SLIT3: variants seen among roughly 807,000 people sequenced by gnomAD.
SLIT3 encodes slit guidance ligand 3.
In SLIT3, 68 loss-of-function variants were observed where a neutral mutation model predicts 184.0. The observed-to-expected ratio is 0.37, with a 90% CI of 0.30 to 0.45. The LOEUF (loss-of-function observed/expected upper bound fraction) is 0.45. SLIT3 is among the 20% of genes least tolerant of loss of function. The probability of loss-of-function intolerance (pLI) is 1.00; values close to 1 mark genes in which losing one functional copy is unlikely to be tolerated. For missense variants in SLIT3, 1,707 were observed against 2,026.0 expected, an observed-to-expected ratio of 0.84 and a Z score of 3.02; for synonymous variants, 831 against 828.6, an observed-to-expected ratio of 1.00 and a Z score of -0.05.
intron 4 of SLIT3, among the ~76,000 whole-genome samples, chr5:168,935,150 C>CAA (rs1164978467): frequency 9.7e-5 from 12 of 124,048 alleles, no homozygotes; most frequent in African/African-American, 2.7e-4. Flanking sequence ...AAAAAAAAAA[C>CAA]AAAAAAAAAA....
chr5:168,793,588 T>G (rs911810265), intron 10 of SLIT3, among the ~76,000 whole-genome samples: 1 of 152,240 alleles, frequency 6.6e-6, no homozygotes, highest in South Asian at 2.1e-4. Context: ...GAAGGTCTTA[T>G]GAATTTTGAA....
intron 4 of SLIT3, among the ~76,000 whole-genome samples, chr5:169,088,039 G>A (rs143463048): frequency 0.02 from 3,072 of 152,274 alleles, 53 homozygotes; most frequent in Non-Finnish European, 0.032. Context: ...AAATAGGCAG[G>A]AGGGCAGAGG....
rs146653087 is a variant in SLIT3 at position 168,954,075 on chromosome 5, TC to T, written c.414-70740del. ...AAGTGTCACTCCAGAGCCCAACAGTTCATGGAAAATGGTCTTATTCTAGATG... is the reference window on the plus strand; with the variant it reads ...AAGTGTCACTCCAGAGCCCAACAGTTATGGAAAATGGTCTTATTCTAGATG... On this transcript the variant is annotated intron_variant, in intron 4 of 35. Coordinates refer to ENST00000519560, the MANE Select transcript of SLIT3 (RefSeq NM_003062.4). Among the ~76,000 whole-genome samples, 1,192 of 152,212 alleles carry T rather than the reference TC, an allele frequency of 7.8e-3. 8 individuals carry two copies. The highest frequency in any genetic ancestry group is 0.025 in the African/African-American group (1,048 of 41,530).
At chr5:168,757,792 C>T (rs1755004077) in intron 16 of SLIT3, among the ~76,000 whole-genome samples, 1 of 152,208 alleles carries the variant, frequency 6.6e-6, no homozygotes, top group Admixed American at 6.5e-5. Context: ...CAGATGCCCT[C>T]TCCTGTCTTT....
intron 12 of SLIT3, among the ~76,000 whole-genome samples, chr5:168,785,041 G>A (rs1175618868): frequency 6.6e-6 from 1 of 151,808 alleles, no homozygotes; most frequent in Non-Finnish European, 1.5e-5. Context: ...GTATCTCTCC[G>A]AGACTTGGTC....
At chr5:168,808,567 T>A (rs982646305) in intron 8 of SLIT3, among the ~76,000 whole-genome samples, 2 of 152,218 alleles carry the variant, frequency 1.3e-5, no homozygotes, top group African/African-American at 4.8e-5. Flanking sequence ...ATTGTTATTA[T>A]TGGGCCTGCT....
At chr5:169,189,050 T>C (rs1763452647) in intron 4 of SLIT3, among the ~76,000 whole-genome samples, 1 of 152,144 alleles carries the variant, frequency 6.6e-6, no homozygotes. Flanking sequence ...GAGACCTCAC[T>C]GGGCATTTTG....
rs569182470 is a variant in SLIT3 at position 168,949,882 on chromosome 5, A to G, written c.414-66546T>C. 2.0e-5 allele frequency among the ~76,000 whole-genome samples: 3 copies of G among 152,330 alleles called. No individual in the cohort carries two copies. The South Asian group carries it at 6.2e-4, about 32-fold the overall frequency. ...GCTGGGATTACAGGTGTGAGCCACC[A>G]TGCCTGGCCAAGATGAATCTTTTCT... On this transcript the variant is annotated intron_variant, in intron 4 of 35. Coordinates refer to ENST00000519560, the MANE Select transcript of SLIT3 (RefSeq NM_003062.4).
chr5:169,231,236 A>G (rs552463423), intron 3 of SLIT3, among the ~76,000 whole-genome samples: 10 of 152,204 alleles, frequency 6.6e-5, no homozygotes, highest in Non-Finnish European at 1.3e-4. Flanking sequence ...TAACACGTAC[A>G]GAAAAATGTA....
intron 4 of SLIT3, among the ~76,000 whole-genome samples, chr5:169,144,357 C>A (rs1052375467): frequency 9.9e-5 from 15 of 152,168 alleles, no homozygotes; most frequent in African/African-American, 3.6e-4. Flanking sequence ...CTGTCATGGC[C>A]CCTGCTTTAC....
At chr5:168,802,864 A>G (rs536119065) in intron 9 of SLIT3, among the ~76,000 whole-genome samples, 46 of 152,316 alleles carry the variant, frequency 3.0e-4, no homozygotes, top group African/African-American at 1.0e-3. Flanking sequence ...CCTAACTTTC[A>G]TAAGAACCAG....
intron 4 of SLIT3, among the ~76,000 whole-genome samples, chr5:168,964,333 T>A (rs2113295959): frequency 6.6e-6 from 1 of 152,242 alleles, no homozygotes; most frequent in South Asian, 2.1e-4. Flanking sequence ...TGAGGGAGAG[T>A]TTAATACCTA....
intron 4 of SLIT3, among the ~76,000 whole-genome samples, chr5:168,884,384 T>C: frequency 6.9e-6 from 1 of 145,252 alleles, no homozygotes; most frequent in Non-Finnish European, 1.5e-5. Context: ...AATGAGCTCT[T>C]TACACTTTCT....
chr5:168,912,027 C>T (rs867994663), intron 4 of SLIT3, among the ~76,000 whole-genome samples: 1 of 152,178 alleles, frequency 6.6e-6, no homozygotes, highest in Non-Finnish European at 1.5e-5. Flanking sequence ...GGATTCTCTT[C>T]CACCACTGCC....
intron 4 of SLIT3, among the ~76,000 whole-genome samples, chr5:168,926,752 A>G (rs1481910237): frequency 6.6e-6 from 1 of 151,750 alleles, no homozygotes; most frequent in East Asian, 1.9e-4. Flanking sequence ...AAGAAGACAT[A>G]CAAATGGTCA....
chr5:169,279,969 G>T (rs953727286), intron 1 of SLIT3, among the ~76,000 whole-genome samples: 2 of 152,208 alleles, frequency 1.3e-5, no homozygotes, highest in Non-Finnish European at 2.9e-5. Context: ...CTAATTCCTT[G>T]CAAAAATCCT....
chr5:169,250,286 A>G (rs533194160), intron 2 of SLIT3, among the ~76,000 whole-genome samples: 26 of 152,304 alleles, frequency 1.7e-4, no homozygotes, highest in African/African-American at 6.3e-4. Flanking sequence ...TAACAACTCA[A>G]TCAGAAATGG....
chr5:169,255,203 T>C lies in SLIT3; in HGVS notation c.198-3744A>G, dbSNP rs142288127. Among the ~76,000 whole-genome samples, 576 of 152,338 alleles carry C rather than the reference T, an allele frequency of 3.8e-3. 2 individuals carry two copies. The highest frequency in any genetic ancestry group is 0.01 in the Middle Eastern group (3 of 294). On this transcript the variant is annotated intron_variant, in intron 1 of 35. Transcript: ENST00000519560. ...ACTGGTATTTACTATGCCATACTGT[T>C]ATCACTATTTTAGAGCATACTCCTT... is the stretch of plus-strand genomic sequence containing the variant.
At chr5:168,993,043 GC>G (rs748751631) in intron 4 of SLIT3, 2 of 152,216 alleles carry the variant, frequency 1.3e-5, no homozygotes, top group Non-Finnish European at 2.9e-5. Context: ...GGGAGTGTGA[GC>G]TTCATGGGCC....
Sources: allele counts gnomAD v4.1 joint callset (sites outside exome capture counted in the v4.1 genomes callset), GRCh38; gene constraint gnomAD v4.1.1; transcripts MANE v1.5; gene names NCBI Gene and HGNC (gene_info 2026-07-23, HGNC 2026-07-21).